The following CEP350 variants were observed in gnomAD, a reference collection of about 807,000 sequenced individuals.
CEP350 encodes the protein centrosome-associated protein 350.
A neutral mutation model predicts 331.8 loss-of-function variants in CEP350; 126 were observed. That is an observed-to-expected ratio of 0.38 (90% CI 0.33 to 0.44). CEP350 has a LOEUF of 0.44. CEP350 is among the 20% of genes least tolerant of loss of function. CEP350 has a pLI of 1.00. For synonymous variants in CEP350, 1,200 were observed against 1,259.5 expected (o/e 0.95, Z 1.00); for missense variants, 3,406 against 3,634.6 (o/e 0.94, Z 1.62).
intron 25 of CEP350, among the ~76,000 whole-genome samples, chr1:180,055,215 G>A (rs1206082153): frequency 2.0e-5 from 3 of 152,150 alleles, no homozygotes; most frequent in South Asian, 2.1e-4. Flanking sequence ...GAATTCCAGC[G>A]TTGTCACTTG....
rs531842650 is a variant in CEP350 at position 179,990,410 on chromosome 1, G to A, written c.121-97G>A. The A allele has an allele frequency of 1.8e-5, 9 of 511,140 alleles. No homozygotes were observed. The East Asian group carries it at 2.3e-4, about 13-fold the overall frequency. 31.7% of individuals were successfully genotyped at this position (511,140 alleles called of 1,614,324 possible). ...GAGTTTTTTTCTACTTTGGAAAAAG[G>A]TATTGGGCAATATACTTTTAAATAA... On this transcript the variant is annotated intron_variant, in intron 3 of 37. Coordinates refer to ENST00000367607, the MANE Select transcript of CEP350 (RefSeq NM_014810.5).
chr1:179,969,477 T>G, intron 1 of CEP350: 1 of 480,340 alleles, frequency 2.1e-6, no homozygotes. Flanking sequence ...CTCAGGCCAC[T>G]GAATGGGTAG....
intron 8 of CEP350, 42 bp downstream of exon 8, chr1:180,006,609 A>G: frequency 2.0e-6 from 2 of 989,586 alleles, no homozygotes; most frequent in Non-Finnish European, 3.1e-6. Context: ...TTTGTTTTTA[A>G]TTAATGTTTT....
In CEP350 at chr1:180,112,216, G is replaced by A. The variant is rs1433787042; in HGVS notation, c.*1055G>A. ...TGAAAATGTGTGTCCCTATTCAGAA[G>A]TGAAAGATTCATCTTGTAATAGTTA... On this transcript the variant is annotated 3_prime_UTR_variant, in exon 38 of 38. Coordinates refer to ENST00000367607, the MANE Select transcript of CEP350 (RefSeq NM_014810.5). 1 of 152,630 alleles carries A rather than the reference G, an allele frequency of 6.6e-6. No individual in the cohort carries two copies. Among genetic ancestry groups the A allele is most frequent in the Non-Finnish European group, 1.5e-5 (1 of 68,032 alleles). The allele number at this position is 152,630 out of a possible 1,614,324, so 9.5% of individuals were successfully genotyped here.
chr1:180,001,189 T>A (rs1653847577), intron 6 of CEP350, among the ~76,000 whole-genome samples: 2 of 152,234 alleles, frequency 1.3e-5, no homozygotes, highest in Admixed American at 6.5e-5. Context: ...TTGGTTATCA[T>A]CTTTATTCAT....
intron 11 of CEP350, 90 bp downstream of exon 11, chr1:180,016,060 G>C: frequency 6.9e-7 from 1 of 1,440,382 alleles, no homozygotes; most frequent in Non-Finnish European, 9.6e-7. Flanking sequence ...TGACTTTTGT[G>C]AACAAGAGGG....
At chr1:180,025,783 C>T (rs1023540783) in intron 14 of CEP350, among the ~76,000 whole-genome samples, 11 of 152,008 alleles carry the variant, frequency 7.2e-5, no homozygotes, top group African/African-American at 2.7e-4. Context: ...AGCATCAGGA[C>T]AAATACCTAA....
intron 6 of CEP350, among the ~76,000 whole-genome samples, chr1:179,997,543 C>CAAAA (rs1219449623): frequency 7.4e-5 from 6 of 81,196 alleles, no homozygotes; most frequent in South Asian, 7.5e-4. Context: ...GACTCGGTCT[C>CAAAA]AAAAAAAAAA....
rs148065484 is a variant in CEP350, at chr1:180,082,611, G to A, written c.6125-1407G>A. The stretch of plus-strand genomic sequence containing the variant: ...ATTACAGGCACGAACCAGTGCGCCC[G>A]GACTGCATTTGGTTTCTTTAGTACT... On this transcript the variant is annotated intron_variant, in intron 30 of 37. Coordinates refer to ENST00000367607, the MANE Select transcript of CEP350 (RefSeq NM_014810.5). Among the ~76,000 whole-genome samples, 1,193 of 152,082 alleles carry A rather than the reference G, an allele frequency of 7.8e-3. 10 individuals carry two copies. Among genetic ancestry groups the A allele is most frequent in the Non-Finnish European group, 0.014 (967 of 67,996 alleles).
chr1:180,064,568 G>T (rs1041869459), intron 26 of CEP350, among the ~76,000 whole-genome samples: 6 of 152,036 alleles, frequency 3.9e-5, no homozygotes, highest in African/African-American at 1.2e-4. Context: ...TTGCTCATCA[G>T]AAATAATGTA....
intron 22 of CEP350, among the ~76,000 whole-genome samples, chr1:180,049,581 G>A (rs1657353919): frequency 7.6e-6 from 1 of 131,122 alleles, no homozygotes; most frequent in African/African-American, 2.9e-5. Flanking sequence ...GTCTTGTTCT[G>A]TCACCAGGCT....
chr1:180,008,446 G>GTTAGGTA (rs1558095953), intron 8 of CEP350, among the ~76,000 whole-genome samples: 1 of 151,114 alleles, frequency 6.6e-6, no homozygotes, highest in Non-Finnish European at 1.5e-5. Context: ...AGACTCAACT[G>GTTAGGTA]TTAGCTATGA....
chr1:180,096,402 C>CAAA (rs34405391), intron 36 of CEP350, among the ~76,000 whole-genome samples: 2 of 138,486 alleles, frequency 1.4e-5, no homozygotes. Context: ...CAAGTTTGTG[C>CAAA]AAAAAAAAAA....
chr1:180,018,474 C>G (rs746734188), intron 11 of CEP350, among the ~76,000 whole-genome samples: 1 of 152,114 alleles, frequency 6.6e-6, no homozygotes, highest in African/African-American at 2.4e-5. Context: ...CCTTGTATTC[C>G]TATTACTACC....
At position 179,996,668 on chromosome 1, in the gene CEP350, C is replaced by T; in HGVS notation, c.511C>T (p.Arg171Ter). ...TESGNWMIGS[R>*]EERNIRSCDF... ...GAGCGGTAACTGGATGATAGGCAGTCGAGAAGAACGGAATATACGGAGCTG... is the reference window on the plus strand; with the variant it reads ...GAGCGGTAACTGGATGATAGGCAGTTGAGAAGAACGGAATATACGGAGCTG... Residue 171 changes from arginine (R) to a stop codon, truncating the protein, a stop_gained, in exon 6 of 38, where the codon CGA becomes TGA. Transcript: ENST00000367607. LOFTEE classifies it high-confidence loss of function. 5 of 1,613,338 alleles carry T rather than the reference C, an allele frequency of 3.1e-6. No homozygotes were observed. Among genetic ancestry groups the T allele is most frequent in the Non-Finnish European group, 3.4e-6 (4 of 1,179,636 alleles).
intron 1 of CEP350, among the ~76,000 whole-genome samples, chr1:179,963,041 T>A (rs898869269): frequency 1.2e-4 from 19 of 152,314 alleles, no homozygotes; most frequent in African/African-American, 4.6e-4. Flanking sequence ...TGGTTTTAAT[T>A]TGTATTTTAT....
At chr1:179,960,594 A>G (rs1373370599) in intron 1 of CEP350, among the ~76,000 whole-genome samples, 1 of 152,090 alleles carries the variant, frequency 6.6e-6, no homozygotes, top group Non-Finnish European at 1.5e-5. Context: ...ATTTTTTTTG[A>G]TGACACTGTG....
chr1:180,109,420 C>G (rs1345618257), intron 37 of CEP350, among the ~76,000 whole-genome samples: 1 of 151,472 alleles, frequency 6.6e-6, no homozygotes, highest in Admixed American at 6.6e-5. Flanking sequence ...GCTCGGCCCA[C>G]TTTCTCTGCT....
At chr1:180,011,599 C>T (rs1002326798) in intron 8 of CEP350, among the ~76,000 whole-genome samples, 6 of 152,064 alleles carry the variant, frequency 3.9e-5, no homozygotes, top group African/African-American at 1.4e-4. Context: ...CCTCCACACA[C>T]CTGGCTAATT....
Sources: gnomAD v4.1 joint callset for allele counts (sites outside exome capture counted in the v4.1 genomes callset) on GRCh38, gnomAD v4.1.1 for gene constraint, MANE v1.5 for transcripts, NCBI Gene and HGNC (gene_info 2026-07-23, HGNC 2026-07-21) for gene names.